Variants in MYO16 observed in about 807,000 individuals in gnomAD.
MYO16 encodes unconventional myosin-XVI.
MYO16 carries 94 observed loss-of-function variants against 205.3 expected under a neutral mutation model. That is an observed-to-expected ratio of 0.46 (90% CI 0.39 to 0.54). The LOEUF (loss-of-function observed/expected upper bound fraction) is 0.54, where lower values mean the gene tolerates loss of function less well. Among genes scored for constraint, MYO16 ranks in the 20% least tolerant of loss-of-function variants. The probability of loss-of-function intolerance (pLI) is 0.00; values close to 1 mark genes in which losing one functional copy is unlikely to be tolerated. For synonymous variants in MYO16, 988 were observed against 954.0 expected, an observed-to-expected ratio of 1.04 and a Z score of -0.66; for missense variants, 2,315 against 2,387.5, an observed-to-expected ratio of 0.97 and a Z score of 0.63.
intron 22 of MYO16, among the ~76,000 whole-genome samples, chr13:109,017,151 G>C (rs1170307651): frequency 6.6e-6 from 1 of 152,148 alleles, no homozygotes; most frequent in Non-Finnish European, 1.5e-5. Context: ...CTCTTGTAAG[G>C]CAGGCCTGGT....
intron 12 of MYO16, 77 bp downstream of exon 12, chr13:108,866,319 T>A: frequency 1.1e-6 from 1 of 887,354 alleles, no homozygotes; most frequent in Non-Finnish European, 1.6e-6. Flanking sequence ...ATCAAATGAC[T>A]AAAAAAAACA....
At position 109,127,149 on chromosome 13, in the gene MYO16, C is replaced by T; in HGVS notation, c.3783-133C>T. The T allele has an allele frequency of 1.7e-6, 2 of 1,196,124 alleles. No individual in the cohort carries two copies. The highest frequency in any genetic ancestry group is 1.1e-6 in the Non-Finnish European group (1 of 882,668). 74.1% of individuals were successfully genotyped at this position (1,196,124 alleles called of 1,614,324 possible). The stretch of plus-strand genomic sequence containing the variant: ...CTGGTCACCAGAGGGCTGCACACGT[C>T]CTCCAGCCACAGCAGGAAGGGCTGC... On this transcript the variant is annotated intron_variant, in intron 30 of 34. Coordinates refer to ENST00000457511, the MANE Select transcript of MYO16 (RefSeq NM_001198950.3). The surrounding 1 kb of genome is among the most constrained non-coding windows in gnomAD (Gnocchi z 4.2).
intron 2 of MYO16, among the ~76,000 whole-genome samples, chr13:108,707,274 CATAGGGATCAATGGAAT>C (rs1188358424): frequency 1.4e-4 from 21 of 152,190 alleles, no homozygotes; most frequent in Middle Eastern, 3.4e-3. Flanking sequence ...ATTATAGGAA[CATAGGGATCAATGGAAT>C]ATAGGGATCA....
chr13:108,699,254 T>C (rs1417686908), intron 2 of MYO16, among the ~76,000 whole-genome samples: 1 of 151,902 alleles, frequency 6.6e-6, no homozygotes, highest in African/African-American at 2.4e-5. Context: ...CGTATGTATA[T>C]ATAGCCATTA....
At chr13:108,525,778 C>G in the MYO16 span, among the ~76,000 whole-genome samples, 1 of 152,216 alleles carries the variant, frequency 6.6e-6, no homozygotes. Flanking sequence ...ATAAAACCCA[C>G]ACATTTTGGA....
the MYO16 span, among the ~76,000 whole-genome samples, chr13:108,563,266 A>G: frequency 6.6e-6 from 1 of 152,192 alleles, no homozygotes; most frequent in South Asian, 2.1e-4. Context: ...CATGCAATGC[A>G]TATAATCATG....
chr13:108,687,730 A>C (rs1399910141), intron 2 of MYO16, among the ~76,000 whole-genome samples: 1 of 152,240 alleles, frequency 6.6e-6, no homozygotes, highest in African/African-American at 2.4e-5. Context: ...ATAATTTATA[A>C]AGTGTGATTT....
chr13:108,949,551 T>C (rs1255190266), intron 16 of MYO16, among the ~76,000 whole-genome samples: 1 of 152,220 alleles, frequency 6.6e-6, no homozygotes, highest in African/African-American at 2.4e-5. Flanking sequence ...AAGAGACTTA[T>C]AATGTTCATT....
chr13:108,575,637 G>A, the MYO16 span, among the ~76,000 whole-genome samples: 57 of 152,040 alleles, frequency 3.7e-4, no homozygotes, highest in African/African-American at 1.3e-3. Context: ...TGCCAATACC[G>A]CCCTATGTCC....
chr13:108,939,443 ATCC>A (rs1157405142), intron 16 of MYO16, among the ~76,000 whole-genome samples: 1 of 152,142 alleles, frequency 6.6e-6, no homozygotes, highest in Non-Finnish European at 1.5e-5. Flanking sequence ...GTTTGCTGGT[ATCC>A]TCCTCTCCAG....
intron 28 of MYO16, 86 bp downstream of exon 28, chr13:109,100,973 C>A: frequency 8.6e-7 from 1 of 1,160,378 alleles, no homozygotes; most frequent in Non-Finnish European, 1.3e-6. Flanking sequence ...CAGAATCTTC[C>A]TGGCAAAAAC....
intron 33 of MYO16, 48 bp from the exon 34 acceptor site, chr13:109,179,494 G>C (rs752892805): frequency 1.3e-5 from 16 of 1,209,582 alleles, no homozygotes; most frequent in Non-Finnish European, 2.0e-5. Context: ...TACTTTATTT[G>C]GAACAAGGAG....
chr13:108,798,729 C>T (rs1299371716), intron 6 of MYO16, among the ~76,000 whole-genome samples: 6 of 101,110 alleles, frequency 5.9e-5, no homozygotes, highest in African/African-American at 2.0e-4. Context: ...GATGGAGTCT[C>T]GCTCTGTCGC....
At chr13:108,561,077 G>A in the MYO16 span, among the ~76,000 whole-genome samples, 1 of 152,156 alleles carries the variant, frequency 6.6e-6, no homozygotes, top group Non-Finnish European at 1.5e-5. Context: ...ACAAGGCTTT[G>A]TCTGTCCCAT....
intron 1 of MYO16, among the ~76,000 whole-genome samples, chr13:108,632,646 G>C (rs1008285471): frequency 1.3e-5 from 2 of 152,266 alleles, no homozygotes; most frequent in Middle Eastern, 3.4e-3. Context: ...TTAAAAACTA[G>C]AGTGTAAAAA....
At chr13:109,093,726 C>T (rs1888691207) in intron 27 of MYO16, among the ~76,000 whole-genome samples, 1 of 152,054 alleles carries the variant, frequency 6.6e-6, no homozygotes, top group South Asian at 2.1e-4. Context: ...ATGTAGAGAG[C>T]CCAGCACGTT....
At chr13:108,518,448 T>G in the MYO16 span, among the ~76,000 whole-genome samples, 36 of 152,298 alleles carry the variant, frequency 2.4e-4, no homozygotes, top group Non-Finnish European at 4.1e-4. Context: ...AGTTGATGAT[T>G]TTTTAGGGTC....
At chr13:109,071,263 A>G (rs920615155) in intron 27 of MYO16, among the ~76,000 whole-genome samples, 13 of 152,150 alleles carry the variant, frequency 8.5e-5, no homozygotes, top group Non-Finnish European at 1.5e-5. Context: ...TATTTTTTAT[A>G]AGTTCCCAAC....
chr13:108,828,615 G>A (rs751313439), intron 9 of MYO16, among the ~76,000 whole-genome samples: 15 of 152,040 alleles, frequency 9.9e-5, no homozygotes, highest in African/African-American at 3.4e-4. Flanking sequence ...GTGAGATGAC[G>A]CAGGGTAGGG....
Sources: allele counts gnomAD v4.1 joint callset (sites outside exome capture counted in the v4.1 genomes callset), GRCh38; gene constraint gnomAD v4.1.1; non-coding constraint Gnocchi (gnomAD v3.1); transcripts MANE v1.5; gene names NCBI Gene and HGNC (gene_info 2026-07-23, HGNC 2026-07-21).